The following PPFIA2 variants were observed in gnomAD, a reference collection of about 807,000 sequenced individuals.
PPFIA2 encodes the protein PPFI scaffold protein A2, also known as liprin-alpha-2.
In PPFIA2, 46 loss-of-function variants were observed where a neutral mutation model predicts 175.5. The ratio of observed to expected loss-of-function variants is 0.26; its 90% CI spans 0.21 to 0.34. The LOEUF (loss-of-function observed/expected upper bound fraction) is 0.34. Ranked by LOEUF, PPFIA2 falls within the 10% of genes least tolerant of loss-of-function variation. PPFIA2 has a pLI of 1.00. For synonymous variants in PPFIA2, 568 were observed against 511.4 expected (o/e 1.11, Z -1.49); for missense variants, 1,179 against 1,506.1 (o/e 0.78, Z 3.60).
intron 4 of PPFIA2, among the ~76,000 whole-genome samples, chr12:81,475,147 CTG>C (rs1192122411): frequency 2.0e-5 from 3 of 152,188 alleles, no homozygotes; most frequent in Non-Finnish European, 4.4e-5. Context: ...ATACAAACCT[CTG>C]TATCTAGATG....
intron 23 of PPFIA2, chr12:81,298,005 G>C (rs1015161742): frequency 1.3e-5 from 2 of 152,120 alleles, no homozygotes; most frequent in African/African-American, 4.8e-5. Context: ...TTCACTGTCT[G>C]TCATCTCCTA....
chr12:81,701,350 G>A (rs2076453741), intron 3 of PPFIA2, among the ~76,000 whole-genome samples: 1 of 152,146 alleles, frequency 6.6e-6, no homozygotes, highest in African/African-American at 2.4e-5. Flanking sequence ...GGGTCAAACT[G>A]ATTCATGCAT....
intron 17 of PPFIA2, among the ~76,000 whole-genome samples, chr12:81,352,912 T>A (rs886787451): frequency 6.6e-6 from 1 of 152,168 alleles, no homozygotes; most frequent in African/African-American, 2.4e-5. Context: ...ACAAAGGCTG[T>A]CCTAATATTA....
chr12:81,347,823 A>G (rs2059322894), intron 17 of PPFIA2, 53 bp from the exon 18 acceptor site: 1 of 1,589,648 alleles, frequency 6.3e-7, no homozygotes, highest in East Asian at 2.2e-5. Context: ...TGGATCCATT[A>G]TATGCTGCTG....
At chr12:81,467,586 A>G (rs2055914062) in intron 4 of PPFIA2, among the ~76,000 whole-genome samples, 2 of 152,116 alleles carry the variant, frequency 1.3e-5, no homozygotes, top group Admixed American at 1.3e-4. Context: ...ATGTTACATT[A>G]TTTGAACATT....
At chr12:81,347,168 T>C (rs914126632) in intron 18 of PPFIA2, among the ~76,000 whole-genome samples, 12 of 151,974 alleles carry the variant, frequency 7.9e-5, no homozygotes, top group Non-Finnish European at 1.8e-4. Flanking sequence ...CTTAGGCTAG[T>C]CTTGAAATCC....
At chr12:81,267,833 C>A in intron 29 of PPFIA2, 79 bp downstream of exon 29, 1 of 1,326,476 alleles carries the variant, frequency 7.5e-7, no homozygotes, top group Non-Finnish European at 1.0e-6. Flanking sequence ...CATGAATACA[C>A]AGCCAATTTT....
chr12:81,547,820 C>A (rs956823660), intron 4 of PPFIA2, among the ~76,000 whole-genome samples: 1 of 152,102 alleles, frequency 6.6e-6, no homozygotes, highest in Non-Finnish European at 1.5e-5. Context: ...ATGTAATAAA[C>A]AAGGAAATGG....
At chr12:81,335,862 G>A (rs2057042519) in intron 21 of PPFIA2, among the ~76,000 whole-genome samples, 1 of 152,148 alleles carries the variant, frequency 6.6e-6, no homozygotes, top group Non-Finnish European at 1.5e-5. Flanking sequence ...TGCTTCCTCT[G>A]TTAGGTGGGT....
intron 21 of PPFIA2, among the ~76,000 whole-genome samples, chr12:81,336,968 A>G (rs1190519582): frequency 1.3e-5 from 2 of 152,056 alleles, no homozygotes; most frequent in African/African-American, 4.8e-5. Context: ...GGGTTGGAAA[A>G]ATGTGCATGG....
intron 4 of PPFIA2, among the ~76,000 whole-genome samples, chr12:81,484,587 T>C (rs184983137): frequency 1.0e-3 from 152 of 152,134 alleles, no homozygotes; most frequent in Admixed American, 1.4e-3. Context: ...ATTCACATAA[T>C]AGCACTATTC....
chr12:81,527,509 C>A (rs920157575), intron 4 of PPFIA2, among the ~76,000 whole-genome samples: 4 of 152,126 alleles, frequency 2.6e-5, no homozygotes, highest in African/African-American at 9.7e-5. Flanking sequence ...CCTCCCCCTA[C>A]TCAAATATAT....
intron 4 of PPFIA2, among the ~76,000 whole-genome samples, chr12:81,480,933 A>G (rs893595715): frequency 2.6e-5 from 4 of 152,200 alleles, no homozygotes; most frequent in Admixed American, 2.6e-4. Context: ...TCAAATAGGA[A>G]GAGAGGAAGT....
chr12:81,611,399 G>A (rs191066675), intron 4 of PPFIA2, among the ~76,000 whole-genome samples: 4 of 152,242 alleles, frequency 2.6e-5, no homozygotes, highest in East Asian at 1.9e-4. Flanking sequence ...AGTGCTGGCC[G>A]CAGCACTGAG....
chr12:81,284,043 G>C (rs2137126782), intron 25 of PPFIA2, among the ~76,000 whole-genome samples, 198 bp downstream of exon 25: 1 of 152,006 alleles, frequency 6.6e-6, no homozygotes, highest in East Asian at 1.9e-4. Flanking sequence ...TATGATATTA[G>C]CCACAATCTA....
At chr12:81,337,432 GTTAA>G (rs1402128633) in intron 21 of PPFIA2, among the ~76,000 whole-genome samples, 3 of 152,200 alleles carry the variant, frequency 2.0e-5, no homozygotes, top group African/African-American at 7.2e-5. Flanking sequence ...TAGTAATTGA[GTTAA>G]TTCTTATCTG....
chr12:81,645,892 C>T (rs1054229562), intron 4 of PPFIA2, among the ~76,000 whole-genome samples: 1 of 152,186 alleles, frequency 6.6e-6, no homozygotes, highest in African/African-American at 2.4e-5. Context: ...CTCCTGGAGA[C>T]AGGTAGGAAA....
chr12:81,660,288 A>G (rs903528256), intron 4 of PPFIA2, among the ~76,000 whole-genome samples: 1 of 152,150 alleles, frequency 6.6e-6, no homozygotes, highest in Non-Finnish European at 1.5e-5. Context: ...CAAAAAAGTT[A>G]AAAACCTTGA....
intron 4 of PPFIA2, among the ~76,000 whole-genome samples, chr12:81,591,557 G>T (rs1375577720): frequency 6.6e-6 from 1 of 152,166 alleles, no homozygotes; most frequent in East Asian, 1.9e-4. Context: ...CATGGGCCGG[G>T]CCCAGGGTCC....
Sources: gnomAD v4.1 joint callset for allele counts (sites outside exome capture counted in the v4.1 genomes callset) on GRCh38, gnomAD v4.1.1 for gene constraint, MANE v1.5 for transcripts, NCBI Gene and HGNC (gene_info 2026-07-23, HGNC 2026-07-21) for gene names.